The following RIPOR3 variants were observed in gnomAD, a reference collection of about 807,000 sequenced individuals.
RIPOR3 encodes family with sequence similarity 65 member C.
RIPOR3 carries 95 observed loss-of-function variants against 114.3 expected under a neutral mutation model. The observed-to-expected ratio is 0.83, with a 90% confidence interval of 0.70 to 0.99. The LOEUF (loss-of-function observed/expected upper bound fraction) is 0.99. RIPOR3 is among the 50% of genes least tolerant of loss of function. The probability of loss-of-function intolerance (pLI) is 0.00; values close to 1 mark genes in which losing one functional copy is unlikely to be tolerated. For missense variants in RIPOR3, 1,252 were observed against 1,266.9 expected, an observed-to-expected ratio of 0.99 and a Z score of 0.18; for synonymous variants, 575 against 543.8, an observed-to-expected ratio of 1.06 and a Z score of -0.80.
intron 1 of RIPOR3, among the ~76,000 whole-genome samples, chr20:50,677,376 T>G (rs1038826261): frequency 6.7e-6 from 1 of 148,312 alleles, no homozygotes; most frequent in African/African-American, 2.5e-5. Flanking sequence ...ACTTTTTTTT[T>G]TTTTTTTTTT....
At chr20:50,688,657 A>T (rs141307993) in intron 1 of RIPOR3, among the ~76,000 whole-genome samples, 2 of 152,336 alleles carry the variant, frequency 1.3e-5, no homozygotes, top group African/African-American at 4.8e-5. Flanking sequence ...GGAGGAAGCC[A>T]TTCTCTTCAC....
chr20:50,640,783 GC>G (rs1259223710), intron 1 of RIPOR3, among the ~76,000 whole-genome samples: 3 of 152,062 alleles, frequency 2.0e-5, no homozygotes, highest in African/African-American at 7.2e-5. Flanking sequence ...CCACGCATGC[GC>G]CCACGAACAC....
At chr20:50,686,517 C>T (rs1417004898) in intron 1 of RIPOR3, among the ~76,000 whole-genome samples, 4 of 151,848 alleles carry the variant, frequency 2.6e-5, no homozygotes, top group Non-Finnish European at 2.9e-5. Context: ...TGGAGGCCTA[C>T]GCGGGTAGAT....
intron 1 of RIPOR3, among the ~76,000 whole-genome samples, chr20:50,668,097 G>A (rs79141149): frequency 2.1e-3 from 325 of 152,266 alleles, no homozygotes; most frequent in African/African-American, 7.5e-3. Context: ...AGTATGACCT[G>A]CTGTTCCCTG....
intron 1 of RIPOR3, chr20:50,645,940 T>G (rs1041223693): frequency 1.6e-4 from 25 of 152,376 alleles, no homozygotes; most frequent in African/African-American, 5.3e-4. Context: ...GGTTTTTCTT[T>G]TGACAGTGAA....
At chr20:50,630,124 C>T (rs2084764774) in intron 2 of RIPOR3, among the ~76,000 whole-genome samples, 1 of 152,124 alleles carries the variant, frequency 6.6e-6, no homozygotes, top group Non-Finnish European at 1.5e-5. Flanking sequence ...TGTGCCACCA[C>T]ATCCAACTAA....
rs775735319 is a variant in RIPOR3 at position 50,593,107 on chromosome 20, G to A, written c.2302C>T (p.Gln768Ter). 6.2e-6 allele frequency: 10 copies of A among 1,614,114 alleles called. No individual in the cohort carries two copies. In the South Asian group the frequency reaches 1.1e-4, roughly 18 times the overall value. ...TGCCTCTGCAGGTAGCTGTGAAACT[G>A]GAACCAGGTAATGATCTGTTCTTCT... ...LPEEQIITWF[Q>*]FHSYLQRQSV... Residue 768 changes from glutamine (Q) to a stop codon, truncating the protein, a stop_gained, in exon 18 of 22, where the codon CAG becomes TAG. Transcript: ENST00000327979. LOFTEE classifies it high-confidence loss of function.
chr20:50,610,028 T>C (rs1253356601), intron 6 of RIPOR3, among the ~76,000 whole-genome samples: 3 of 54,216 alleles, frequency 5.5e-5, no homozygotes, highest in Admixed American at 2.1e-4. Flanking sequence ...CACCCCTGCC[T>C]CACCTGCCAC....
chr20:50,655,681 G>T (rs2085785296), intron 1 of RIPOR3, among the ~76,000 whole-genome samples: 1 of 149,758 alleles, frequency 6.7e-6, no homozygotes, highest in Non-Finnish European at 1.5e-5. Context: ...GTGTGTGTGT[G>T]TGTGTGTGTG....
intron 11 of RIPOR3, among the ~76,000 whole-genome samples, chr20:50,604,975 T>G (rs1385789796): frequency 6.6e-6 from 1 of 152,222 alleles, no homozygotes; most frequent in Non-Finnish European, 1.5e-5. Flanking sequence ...CAGGTTGGAA[T>G]GCAGTGGTGC....
chr20:50,620,430 C>G (rs540147377), intron 2 of RIPOR3, among the ~76,000 whole-genome samples: 1 of 152,266 alleles, frequency 6.6e-6, no homozygotes, highest in African/African-American at 2.4e-5. Flanking sequence ...GGTTCAAGAC[C>G]AGTCTGGCCA....
At position 50,646,834 on chromosome 20, in the gene RIPOR3, AATTT is replaced by A. The variant is rs531120994; in HGVS notation, c.4-15982_4-15979del. On this transcript the variant is annotated intron_variant, in intron 1 of 21. Transcript: ENST00000327979. ...GTGTACTACAAGCTGTTTATTAATTAATTTCTTATTTGCCAAACATTCTTGCTTG... is the reference window on the plus strand; with the variant it reads ...GTGTACTACAAGCTGTTTATTAATTACTTATTTGCCAAACATTCTTGCTTG... Among the ~76,000 whole-genome samples, 96 of 152,294 alleles carry A rather than the reference AATTT, an allele frequency of 6.3e-4. 1 individual carries two copies. The highest frequency in any genetic ancestry group is 2.3e-3 in the African/African-American group (95 of 41,562).
intron 1 of RIPOR3, among the ~76,000 whole-genome samples, chr20:50,654,820 A>T (rs1258184387): frequency 6.6e-6 from 1 of 152,114 alleles, no homozygotes; most frequent in Non-Finnish European, 1.5e-5. Context: ...ATCACCACTC[A>T]CTGCAGCCTC....
chr20:50,654,012 G>C (rs563500284), intron 1 of RIPOR3: 1 of 151,682 alleles, frequency 6.6e-6, no homozygotes, highest in Admixed American at 6.6e-5. Context: ...GTGACCACCG[G>C]GACCCCGTCT....
chr20:50,603,285 C>G (rs916109223), intron 12 of RIPOR3, among the ~76,000 whole-genome samples: 1 of 152,214 alleles, frequency 6.6e-6, no homozygotes, highest in Non-Finnish European at 1.5e-5. Context: ...GTTGCCCAGG[C>G]TGGAGTGCAG....
chr20:50,641,513 G>A (rs2085192546), intron 1 of RIPOR3, among the ~76,000 whole-genome samples: 1 of 152,218 alleles, frequency 6.6e-6, no homozygotes, highest in African/African-American at 2.4e-5. Flanking sequence ...CTCATGAGTA[G>A]CTGGGACTAC....
At chr20:50,665,813 T>C (rs1419535618) in intron 1 of RIPOR3, among the ~76,000 whole-genome samples, 2 of 152,122 alleles carry the variant, frequency 1.3e-5, no homozygotes, top group Non-Finnish European at 2.9e-5. Context: ...CACGTTCTTT[T>C]GGCCACCATG....
intron 1 of RIPOR3, among the ~76,000 whole-genome samples, chr20:50,638,825 C>T (rs2085091249): frequency 6.6e-6 from 1 of 152,238 alleles, no homozygotes; most frequent in Admixed American, 6.5e-5. Flanking sequence ...AGGATGAGGA[C>T]AGGCAGGAGG....
Position 50,602,210 on chromosome 20 carries a change from C to T in RIPOR3, c.1521G>A (p.Gly507=), listed in dbSNP as rs754087238. 9 of 1,613,688 alleles carry T rather than the reference C, an allele frequency of 5.6e-6. No homozygotes were observed. The highest frequency in any genetic ancestry group is 1.3e-5 in the African/African-American group (1 of 74,954). Reference sequence around the variant, plus strand: ...CCACGCCAGGCCCGTCCTCTCTGTCCCCGGTTGCCCCTTCCTCGTGGCCGT... The same window carrying T: ...CCACGCCAGGCCCGTCCTCTCTGTCTCCGGTTGCCCCTTCCTCGTGGCCGT... ...SQNGHEEGAT[G]DREDGPGVAL... Residue 507 remains glycine (G), a synonymous_variant, in exon 13 of 22, where the codon GGG becomes GGA. Transcript: ENST00000327979. This position sits in a 1 kb window ranked among gnomAD's most constrained non-coding sequence, Gnocchi z 4.3.
Sources: gnomAD v4.1 joint callset for allele counts (sites outside exome capture counted in the v4.1 genomes callset) on GRCh38, gnomAD v4.1.1 for gene constraint, Gnocchi (gnomAD v3.1) non-coding constraint, MANE v1.5 for transcripts, NCBI Gene and HGNC (gene_info 2026-07-23, HGNC 2026-07-21) for gene names.